Variants in CAMKMT observed in about 807,000 individuals in gnomAD.
The protein encoded by CAMKMT is calmodulin-lysine N-methyltransferase, also known as CaM KMT.
In CAMKMT, 53 loss-of-function variants were observed where a neutral mutation model predicts 48.0. The ratio of observed to expected loss-of-function variants is 1.10; its 90% CI spans 0.89 to 1.39. The LOEUF is 1.39. Ranked by LOEUF, CAMKMT falls within the 40% of genes most tolerant of loss-of-function variation. The pLI is 0.00. For synonymous variants in CAMKMT, 165 were observed against 152.3 expected, an observed-to-expected ratio of 1.08 and a Z score of -0.61; for missense variants, 428 against 402.7, an observed-to-expected ratio of 1.06 and a Z score of -0.54.
chr2:44,380,843 T>C (rs1680167080), intron 2 of CAMKMT, among the ~76,000 whole-genome samples: 1 of 152,150 alleles, frequency 6.6e-6, no homozygotes, highest in East Asian at 1.9e-4. Flanking sequence ...AAAGGTCATA[T>C]GGTAAGCATT....
At chr2:44,641,780 ACTCCAAGGCTCAAGTGAT>A (rs1673465148) in intron 3 of CAMKMT, among the ~76,000 whole-genome samples, 2 of 151,856 alleles carry the variant, frequency 1.3e-5, no homozygotes, top group South Asian at 4.2e-4. Context: ...CTGGTCTTGA[ACTCCAAGGCTCAAGTGAT>A]CTGCCCGGCT....
At chr2:44,544,655 A>T (rs1351487813) in intron 3 of CAMKMT, among the ~76,000 whole-genome samples, 1 of 152,216 alleles carries the variant, frequency 6.6e-6, no homozygotes, top group African/African-American at 2.4e-5. Context: ...TGCTAATAGA[A>T]CAAGAGGAAA....
chr2:44,602,809 C>A (rs1337639491), intron 3 of CAMKMT, among the ~76,000 whole-genome samples: 1 of 152,062 alleles, frequency 6.6e-6, no homozygotes, highest in South Asian at 2.1e-4. Flanking sequence ...TGACCTCCCA[C>A]CAGGTCCCTC....
intron 3 of CAMKMT, among the ~76,000 whole-genome samples, chr2:44,559,348 A>G (rs759063747): frequency 5.3e-5 from 8 of 152,146 alleles, no homozygotes; most frequent in Non-Finnish European, 8.8e-5. Flanking sequence ...GAGGTGGTAC[A>G]CAGTTAAACT....
chr2:44,625,573 A>G (rs1004116462), intron 3 of CAMKMT, among the ~76,000 whole-genome samples: 5 of 152,000 alleles, frequency 3.3e-5, no homozygotes, highest in Admixed American at 3.3e-4. Context: ...TGTGTTCTAA[A>G]AAGTTTTGCT....
At chr2:44,655,848 G>T (rs1012048454) in intron 3 of CAMKMT, among the ~76,000 whole-genome samples, 21 of 152,144 alleles carry the variant, frequency 1.4e-4, no homozygotes, top group African/African-American at 4.8e-4. Flanking sequence ...TCAATTTAAT[G>T]GCCTTGGAAT....
intron 3 of CAMKMT, among the ~76,000 whole-genome samples, chr2:44,693,400 A>G (rs1676768054): frequency 6.6e-6 from 1 of 152,096 alleles, no homozygotes; most frequent in South Asian, 2.1e-4. Context: ...CATTTATTCT[A>G]GAGTTCCACT....
intron 3 of CAMKMT, among the ~76,000 whole-genome samples, chr2:44,574,536 G>A (rs1413306712): frequency 6.6e-6 from 1 of 151,864 alleles, no homozygotes; most frequent in Non-Finnish European, 1.5e-5. Context: ...TCTTCTCTAG[G>A]AATTAGCTAG....
chr2:44,772,186 T>A lies in CAMKMT; in HGVS notation c.*73T>A. The A allele has an allele frequency of 7.7e-7, 1 of 1,296,926 alleles. No individual in the cohort carries two copies. 80.3% of individuals were successfully genotyped at this position (1,296,926 alleles called of 1,614,324 possible). On this transcript the variant is annotated 3_prime_UTR_variant, in exon 11 of 11. Transcript: ENST00000378494. ...ATATTTTTACAAAAACGGAAATCTG[T>A]AAGGGGTATAATCGCCTGCCTGCGC...
At position 44,429,277 on chromosome 2, in the gene CAMKMT, ATGTGTGTG is replaced by A. The variant is rs34628835; in HGVS notation, c.376+38996_376+39003del. Among the ~76,000 whole-genome samples, 1,138 of 147,124 alleles carry A rather than the reference ATGTGTGTG, an allele frequency of 7.7e-3. 14 individuals are homozygous for A. Among genetic ancestry groups the A allele is most frequent in the African/African-American group, 0.023 (910 of 39,470 alleles). Reference sequence around the variant, plus strand: ...TATATATATGTGTGTGTGTGTGTGTATGTGTGTGTGTGTGTGTGTGTGTGTGTGTGTAT... The same window carrying A: ...TATATATATGTGTGTGTGTGTGTGTATGTGTGTGTGTGTGTGTGTGTGTAT... On this transcript the variant is annotated intron_variant, in intron 3 of 10. Coordinates refer to ENST00000378494, the MANE Select transcript of CAMKMT (RefSeq NM_024766.5).
intron 2 of CAMKMT, among the ~76,000 whole-genome samples, chr2:44,386,215 C>T (rs1190196858): frequency 1.3e-5 from 2 of 151,832 alleles, no homozygotes; most frequent in Non-Finnish European, 2.9e-5. Flanking sequence ...TAGCTGGGTG[C>T]CTCAGGGTAT....
At chr2:44,714,362 G>C (rs1678055276) in intron 6 of CAMKMT, among the ~76,000 whole-genome samples, 1 of 152,178 alleles carries the variant, frequency 6.6e-6, no homozygotes, top group Non-Finnish European at 1.5e-5. Context: ...GGCGCTGGGT[G>C]ATGTAATGAA....
chr2:44,444,900 C>T (rs1666886972), intron 3 of CAMKMT, among the ~76,000 whole-genome samples: 1 of 152,150 alleles, frequency 6.6e-6, no homozygotes, highest in African/African-American at 2.4e-5. Context: ...GGGCATTCGG[C>T]TTATGAAAAG....
At chr2:44,601,304 A>G (rs1670972438) in intron 3 of CAMKMT, among the ~76,000 whole-genome samples, 1 of 152,006 alleles carries the variant, frequency 6.6e-6, no homozygotes, top group Non-Finnish European at 1.5e-5. Flanking sequence ...TAAAAATACA[A>G]AATTAGCCAG....
chr2:44,534,195 C>G (rs1395970941), intron 3 of CAMKMT, among the ~76,000 whole-genome samples: 3 of 152,044 alleles, frequency 2.0e-5, no homozygotes, highest in African/African-American at 7.2e-5. Flanking sequence ...ATATATGCAC[C>G]CAACACTGGA....
intron 2 of CAMKMT, among the ~76,000 whole-genome samples, chr2:44,381,844 G>T (rs921272973): frequency 1.3e-5 from 2 of 151,238 alleles, no homozygotes; most frequent in Admixed American, 6.6e-5. Context: ...ATTATGAGCA[G>T]TTTTTTCTTG....
At chr2:44,672,683 C>T (rs776691685) in intron 3 of CAMKMT, among the ~76,000 whole-genome samples, 2 of 152,110 alleles carry the variant, frequency 1.3e-5, no homozygotes, top group Non-Finnish European at 2.9e-5. Context: ...CTCATAGTTG[C>T]TTATTTACCA....
chr2:44,510,982 A>G (rs1434796243), intron 3 of CAMKMT, among the ~76,000 whole-genome samples: 1 of 152,034 alleles, frequency 6.6e-6, no homozygotes, highest in Non-Finnish European at 1.5e-5. Context: ...CTGGGATTAC[A>G]GGAATGTGCC....
chr2:44,484,436 C>G lies in CAMKMT; in HGVS notation c.376+94131C>G, dbSNP rs148524467. 3.3e-5 allele frequency among the ~76,000 whole-genome samples: 5 copies of G among 151,848 alleles called. No individual in the cohort carries two copies. In the East Asian group the frequency reaches 9.7e-4, roughly 29 times the overall value. The stretch of plus-strand genomic sequence containing the variant: ...AAATATACCCACATATATGTGGAAA[C>G]TTGATTTTATAACATAGGTAGCACT... On this transcript the variant is annotated intron_variant, in intron 3 of 10. Transcript: ENST00000378494.
Sources: allele counts gnomAD v4.1 joint callset (sites outside exome capture counted in the v4.1 genomes callset), GRCh38; gene constraint gnomAD v4.1.1; transcripts MANE v1.5; gene names NCBI Gene and HGNC (gene_info 2026-07-23, HGNC 2026-07-21).